The following ST7 variants were observed in gnomAD, a reference collection of about 807,000 sequenced individuals.
The protein encoded by ST7 is suppressor of tumorigenicity 7 protein.
In ST7, 28 loss-of-function variants were observed where a neutral mutation model predicts 78.7. The observed-to-expected ratio is 0.36, with a 90% CI of 0.26 to 0.49. The LOEUF is 0.49. ST7 is among the 20% of genes least tolerant of loss of function. The probability of loss-of-function intolerance (pLI) is 0.99; values close to 1 mark genes in which losing one functional copy is unlikely to be tolerated. For synonymous variants in ST7, 247 were observed against 249.6 expected, an observed-to-expected ratio of 0.99 and a Z score of 0.10; for missense variants, 418 against 696.0, an observed-to-expected ratio of 0.60 and a Z score of 4.49.
intron 1 of ST7, among the ~76,000 whole-genome samples, chr7:117,069,303 CAG>C (rs996288223): frequency 1.4e-4 from 22 of 152,230 alleles, no homozygotes; most frequent in East Asian, 1.3e-3. Flanking sequence ...TTTCAGAACA[CAG>C]GGGGAAATCA....
chr7:117,160,172 G>A (rs1336135394), intron 9 of ST7, among the ~76,000 whole-genome samples: 1 of 150,384 alleles, frequency 6.6e-6, no homozygotes, highest in African/African-American at 2.5e-5. Flanking sequence ...GGCGGAGGTT[G>A]CAGTGAGCCA....
chr7:116,965,034 A>C (rs1487539599), intron 1 of ST7, among the ~76,000 whole-genome samples: 2 of 152,248 alleles, frequency 1.3e-5, no homozygotes, highest in Non-Finnish European at 2.9e-5. Context: ...GACTTAGTTT[A>C]GGCTATAGAA....
chr7:117,220,352 A>T (rs1792998475), intron 14 of ST7, among the ~76,000 whole-genome samples: 1 of 152,208 alleles, frequency 6.6e-6, no homozygotes, highest in Non-Finnish European at 1.5e-5. Flanking sequence ...TTGATTGTGA[A>T]AAGAGTCTGG....
At chr7:117,039,049 A>AT (rs962806983) in intron 1 of ST7, among the ~76,000 whole-genome samples, 2 of 152,062 alleles carry the variant, frequency 1.3e-5, no homozygotes, top group Admixed American at 6.6e-5. Context: ...TTTGAAACAT[A>AT]TTTTTTTAGC....
chr7:117,039,893 C>G (rs1203774822), intron 1 of ST7, among the ~76,000 whole-genome samples: 1 of 152,130 alleles, frequency 6.6e-6, no homozygotes, highest in African/African-American at 2.4e-5. Flanking sequence ...CCTGGCCAAG[C>G]ATCTTGCAAA....
chr7:117,099,118 A>G (rs1801372008), intron 1 of ST7, among the ~76,000 whole-genome samples: 1 of 141,490 alleles, frequency 7.1e-6, no homozygotes, highest in South Asian at 2.4e-4. Flanking sequence ...TCATTTTTAG[A>G]GGTTTATTTT....
intron 1 of ST7, among the ~76,000 whole-genome samples, chr7:117,029,740 G>A (rs530748106): frequency 2.3e-4 from 33 of 144,830 alleles, no homozygotes; most frequent in Non-Finnish European, 4.7e-4. Context: ...GTAATATGAG[G>A]TAATGGTAAA....
chr7:116,973,722 G>A (rs932520196), intron 1 of ST7, among the ~76,000 whole-genome samples: 1 of 152,140 alleles, frequency 6.6e-6, no homozygotes, highest in Admixed American at 6.5e-5. Flanking sequence ...TTTTAAAAAT[G>A]TACATGATAG....
At chr7:117,030,224 G>T (rs918653487) in intron 1 of ST7, among the ~76,000 whole-genome samples, 1 of 152,164 alleles carries the variant, frequency 6.6e-6, no homozygotes, top group African/African-American at 2.4e-5. Flanking sequence ...AAAATTAAAA[G>T]AATAGGTTAT....
chr7:117,204,007 A>C lies in ST7; in HGVS notation c.1255-5780A>C, dbSNP rs560220252. On this transcript the variant is annotated intron_variant, in intron 12 of 15. Coordinates refer to ENST00000323984, the MANE Select transcript of ST7 (RefSeq NM_001369598.1). ...ACCAGGAAGAAGCAGGTGCCTTGTG[A>C]TGAGGACCCCTGAGTGGTACTGAAA... Among the ~76,000 whole-genome samples, 3 of 152,320 alleles carry C rather than the reference A, an allele frequency of 2.0e-5. No homozygotes were observed. In the South Asian group the frequency reaches 6.2e-4, roughly 32 times the overall value.
chr7:117,119,649 T>C lies in ST7; in HGVS notation c.323T>C (p.Val108Ala), dbSNP rs1803201117. Residue 108 changes from valine (V) to alanine (A), a missense_variant, in exon 3 of 16, where the codon GTT (valine) becomes GCT (alanine). Transcript: ENST00000323984. Reference protein sequence around the residue: ...VSHLRPLLGGVDNNSSNNSNS... With the variant: ...VSHLRPLLGGADNNSSNNSNS... ...CACTTGCGCCCCCTTCTGGGAGGGGTTGACAACAACTCTTCCAACAATTCT... is the reference window on the plus strand; with the variant it reads ...CACTTGCGCCCCCTTCTGGGAGGGGCTGACAACAACTCTTCCAACAATTCT... 1 of 1,613,856 alleles carries C rather than the reference T, an allele frequency of 6.2e-7. No homozygotes were observed. The highest frequency in any genetic ancestry group is 1.3e-5 in the African/African-American group (1 of 75,006).
At chr7:116,956,859 C>T (rs2116117556) in intron 1 of ST7, 2 of 354,766 alleles carry the variant, frequency 5.6e-6, no homozygotes, top group Non-Finnish European at 5.5e-6. Context: ...TACAACTTCC[C>T]ATATGCAAGA....
chr7:117,080,252 G>A (rs897971244), intron 1 of ST7, among the ~76,000 whole-genome samples: 1 of 151,914 alleles, frequency 6.6e-6, no homozygotes, highest in African/African-American at 2.4e-5. Flanking sequence ...AGTGATACAT[G>A]TTACAGAAAC....
intron 1 of ST7, among the ~76,000 whole-genome samples, chr7:117,088,083 G>C (rs1043753572): frequency 6.6e-6 from 1 of 152,126 alleles, no homozygotes; most frequent in African/African-American, 2.4e-5. Context: ...TATGTATGCT[G>C]TGATATCTAC....
chr7:117,098,418 C>T (rs965849967), intron 1 of ST7, among the ~76,000 whole-genome samples: 1 of 152,114 alleles, frequency 6.6e-6, no homozygotes, highest in Non-Finnish European at 1.5e-5. Flanking sequence ...TCCTGGACTT[C>T]CTCCCTGCCA....
intron 10 of ST7, among the ~76,000 whole-genome samples, chr7:117,176,993 G>A (rs1319551620): frequency 6.6e-6 from 1 of 152,170 alleles, no homozygotes; most frequent in Non-Finnish European, 1.5e-5. Context: ...CTCAAAGAGA[G>A]TCCTTGTGTA....
intron 1 of ST7, among the ~76,000 whole-genome samples, chr7:116,988,216 ATC>A (rs1794269680): frequency 6.6e-6 from 1 of 152,166 alleles, no homozygotes; most frequent in East Asian, 1.9e-4. Context: ...ATCAGCCCAT[ATC>A]TCAGCTACAT....
At chr7:117,112,351 A>G (rs1802502773) in intron 2 of ST7, 1 of 152,222 alleles carries the variant, frequency 6.6e-6, no homozygotes, top group African/African-American at 2.4e-5. Flanking sequence ...TATATTAAGC[A>G]CTTTGCATAT....
chr7:116,961,940 C>A (rs1792854474), intron 1 of ST7, among the ~76,000 whole-genome samples: 1 of 151,826 alleles, frequency 6.6e-6, no homozygotes, highest in South Asian at 2.1e-4. Flanking sequence ...CCCTCACCCC[C>A]CCACCCCCTG....
Sources: allele counts gnomAD v4.1 joint callset (sites outside exome capture counted in the v4.1 genomes callset), GRCh38; gene constraint gnomAD v4.1.1; transcripts MANE v1.5; gene names NCBI Gene and HGNC (gene_info 2026-07-23, HGNC 2026-07-21).